AKAP1: variants seen among roughly 807,000 people sequenced by gnomAD.
The protein encoded by AKAP1 is A-kinase anchoring protein 1, also known as A-kinase anchor protein 1, mitochondrial.
Under a neutral mutation model 79.8 loss-of-function variants are expected in AKAP1, and 32 were observed. That is an observed-to-expected ratio of 0.40 (90% CI 0.30 to 0.54). The LOEUF is 0.54. Ranked by LOEUF, AKAP1 falls within the 20% of genes least tolerant of loss-of-function variation. AKAP1 has a pLI of 0.47. For missense variants in AKAP1, 961 were observed against 1,138.9 expected (o/e 0.84, Z 2.25); for synonymous variants, 416 against 466.7 (o/e 0.89, Z 1.40).
chr17:57,106,834 A>G lies in AKAP1; in HGVS notation c.1370A>G (p.His457Arg), dbSNP rs1239789307. The change falls in exon 2 of 11, where the codon CAC (histidine) becomes CGC (arginine). Residue 457 changes from histidine to arginine, a missense_variant. By Grantham distance (29) the His-to-Arg change is conservative. Coordinates refer to ENST00000337714, the MANE Select transcript of AKAP1 (RefSeq NM_003488.4). ...TKDSKPNISA[H>R]HISLASCLAL... ...GACAGTAAGCCAAATATCTCTGCAC[A>G]CCACATCTCCCTGGCCTCCTGCCTG... The G allele has an allele frequency of 4.3e-6, 7 of 1,614,024 alleles. No homozygotes were observed. The highest frequency in any genetic ancestry group is 5.9e-6 in the Non-Finnish European group (7 of 1,180,042).
rs1196197295 is a variant in AKAP1, at chr17:57,106,098, G to C, written c.634G>C (p.Glu212Gln). The C allele has an allele frequency of 1.2e-6, 2 of 1,605,956 alleles. No individual in the cohort carries two copies. The highest frequency in any genetic ancestry group is 1.7e-6 in the Non-Finnish European group (2 of 1,175,202). ...AGGGACTGGTGATGCCGTGTTGGGG[G>C]AAAAGGTGCTTGAAGAAGCTCTGTT... is the stretch of plus-strand genomic sequence containing the variant. ...AEGTGDAVLG[E>Q]KVLEEALLSR... Residue 212 changes from glutamate (E) to glutamine (Q), a missense_variant, in exon 2 of 11, where the codon GAA becomes CAA. Physicochemically the swap from Glu to Gln is conservative, Grantham distance 29 (BLOSUM62 2). This residue lies in a region of AKAP1 where 224 missense variants were observed against 210.2 expected (regional missense o/e 1.07). Coordinates refer to ENST00000337714, the MANE Select transcript of AKAP1 (RefSeq NM_003488.4).
At chr17:57,119,143 G>A in intron 10 of AKAP1, 99 bp downstream of exon 10, 1 of 1,315,088 alleles carries the variant, frequency 7.6e-7, no homozygotes, top group South Asian at 1.2e-5. Flanking sequence ...GTTAATCAGA[G>A]GATATAACTG....
chr17:57,109,564 C>T (rs1314411096), intron 2 of AKAP1, among the ~76,000 whole-genome samples: 7 of 152,220 alleles, frequency 4.6e-5, no homozygotes, highest in African/African-American at 1.4e-4. Context: ...GACCCTGGGA[C>T]TGGGCCCTGG....
At chr17:57,090,235 A>G (rs1452013140) in intron 1 of AKAP1, among the ~76,000 whole-genome samples, 1 of 152,032 alleles carries the variant, frequency 6.6e-6, no homozygotes, top group East Asian at 1.9e-4. Context: ...CCTTTGGTAT[A>G]TATAATGTGA....
At chr17:57,102,519 G>A (rs1914582122) in intron 1 of AKAP1, among the ~76,000 whole-genome samples, 2 of 150,608 alleles carry the variant, frequency 1.3e-5, no homozygotes, top group African/African-American at 4.9e-5. Flanking sequence ...AGACTGGAGT[G>A]CAGTGGCACT....
At chr17:57,108,858 G>A (rs1445146915) in intron 2 of AKAP1, among the ~76,000 whole-genome samples, 1 of 152,206 alleles carries the variant, frequency 6.6e-6, no homozygotes. Context: ...CCATTCTGTG[G>A]GGCAGAGGCT....
chr17:57,091,017 T>G (rs1025572482), intron 1 of AKAP1, among the ~76,000 whole-genome samples: 2 of 152,268 alleles, frequency 1.3e-5, no homozygotes, highest in South Asian at 2.1e-4. Flanking sequence ...CCAGCCCCCA[T>G]CCCTTCTCTG....
intron 8 of AKAP1, among the ~76,000 whole-genome samples, chr17:57,117,804 A>G (rs1369217808): frequency 2.6e-5 from 4 of 151,958 alleles, no homozygotes; most frequent in Non-Finnish European, 1.5e-5. Context: ...CATCCTTGCC[A>G]CTGCTTGCCT....
At chr17:57,094,686 C>T (rs117180545) in intron 1 of AKAP1, 34,286 of 149,464 alleles carry the variant, frequency 0.23, 5,004 homozygotes, top group East Asian at 0.38. Context: ...TCATAGCTCA[C>T]TGCAGCCTTG....
At chr17:57,116,985 C>A (rs1915627855) in intron 8 of AKAP1, 58 bp downstream of exon 8, 6 of 1,507,866 alleles carry the variant, frequency 4.0e-6, no homozygotes, top group Non-Finnish European at 5.5e-6. Flanking sequence ...GAGAGTAGGT[C>A]TTTCTCAGAG....
intron 8 of AKAP1, 96 bp from the exon 9 acceptor site, chr17:57,118,285 G>A (rs1231645576): frequency 8.7e-7 from 1 of 1,147,088 alleles, no homozygotes; most frequent in Admixed American, 1.8e-5. Flanking sequence ...AGCATCTGAA[G>A]CATTCTACTT....
Position 57,116,107 on chromosome 17 carries a change from G to A in AKAP1, c.2282-4G>A. 1 of 1,611,970 alleles carries A rather than the reference G, an allele frequency of 6.2e-7. No individual in the cohort carries two copies. The highest frequency in any genetic ancestry group is 8.5e-7 in the Non-Finnish European group (1 of 1,179,898). On this transcript the variant is annotated splice_region_variant and splice_polypyrimidine_tract_variant and intron_variant, in intron 6 of 10. Transcript: ENST00000337714. ...TTCCACGCACTCTGCTCCCTACCCT[G>A]CAGTAACGGTCATCTGTGCCGCCCC...
chr17:57,099,207 G>GC (rs1240597582), intron 1 of AKAP1, among the ~76,000 whole-genome samples: 2 of 152,132 alleles, frequency 1.3e-5, no homozygotes, highest in African/African-American at 4.8e-5. Context: ...TTGGAGGATG[G>GC]TTCACATCTC....
chr17:57,100,960 C>T (rs981265731), intron 1 of AKAP1, among the ~76,000 whole-genome samples: 3 of 152,086 alleles, frequency 2.0e-5, no homozygotes, highest in South Asian at 2.1e-4. Context: ...ACCCGGGAGG[C>T]GGAGGTTGCG....
intron 2 of AKAP1, among the ~76,000 whole-genome samples, chr17:57,108,984 GAA>G (rs1263980432): frequency 6.6e-6 from 1 of 152,214 alleles, no homozygotes; most frequent in Admixed American, 6.5e-5. Flanking sequence ...TTCCCTGCAT[GAA>G]TCCTGTTCGA....
Position 57,111,896 on chromosome 17 carries a change from C to T in AKAP1, c.1947C>T (p.Thr649=). The change falls in exon 4 of 11, where the codon ACC becomes ACT. Residue 649 remains threonine (T), a synonymous_variant. Transcript: ENST00000337714. ...TCTACATTTCAACCCTGCCTTACAC[C>T]CAGAGCGTCCAGATCTGCCACATAG... ...AKIYISTLPY[T]QSVQICHIEG... The T allele has an allele frequency of 6.2e-7, 1 of 1,614,050 alleles. No homozygotes were observed. Among genetic ancestry groups the T allele is most frequent in the Non-Finnish European group, 8.5e-7 (1 of 1,179,992 alleles).
intron 3 of AKAP1, among the ~76,000 whole-genome samples, chr17:57,110,948 G>T (rs1209862272): frequency 6.6e-6 from 1 of 151,872 alleles, no homozygotes; most frequent in African/African-American, 2.4e-5. Context: ...CAGGGCCCTG[G>T]GCTCTGTGCT....
chr17:57,112,645 C>A, intron 5 of AKAP1, 27 bp downstream of exon 5: 1 of 1,574,824 alleles, frequency 6.3e-7, no homozygotes, highest in Non-Finnish European at 8.6e-7. Flanking sequence ...GTGATCCGGA[C>A]TTCTTGCCAC....
chr17:57,107,400 T>A (rs888043654), intron 2 of AKAP1, among the ~76,000 whole-genome samples: 1 of 152,196 alleles, frequency 6.6e-6, no homozygotes, highest in Non-Finnish European at 1.5e-5. Context: ...GTAACTTGGT[T>A]CCTCAACCGG....
Sources: allele counts gnomAD v4.1 joint callset (sites outside exome capture counted in the v4.1 genomes callset), GRCh38; gene constraint gnomAD v4.1.1; regional missense constraint gnomAD v4.1.1; transcripts MANE v1.5; gene names NCBI Gene and HGNC (gene_info 2026-07-23, HGNC 2026-07-21).